The following FAM135B variants were observed in gnomAD, a reference collection of about 807,000 sequenced individuals.
The protein encoded by FAM135B is protein FAM135B.
FAM135B carries 43 observed loss-of-function variants against 127.7 expected under a neutral mutation model. That is an observed-to-expected ratio of 0.34 (90% confidence interval 0.26 to 0.43). The LOEUF is 0.43. FAM135B is among the 20% of genes least tolerant of loss of function. The pLI, the probability that FAM135B is intolerant of heterozygous loss-of-function variation, is 1.00. For synonymous variants in FAM135B, 670 were observed against 665.1 expected, an observed-to-expected ratio of 1.01 and a Z score of -0.11; for missense variants, 1,558 against 1,725.6, an observed-to-expected ratio of 0.90 and a Z score of 1.72.
chr8:138,135,656 C>T (rs1189401804), intron 19 of FAM135B, among the ~76,000 whole-genome samples: 4 of 152,000 alleles, frequency 2.6e-5, no homozygotes, highest in Non-Finnish European at 5.9e-5. Context: ...ACATTTTCCT[C>T]CAATAATACC....
At chr8:138,267,207 C>G (rs1169667032) in intron 3 of FAM135B, among the ~76,000 whole-genome samples, 1 of 152,146 alleles carries the variant, frequency 6.6e-6, no homozygotes, top group Non-Finnish European at 1.5e-5. Context: ...GTCTGTTCCC[C>G]TCACCTTTCC....
chr8:138,445,661 A>T (rs1248002136), intron 1 of FAM135B, among the ~76,000 whole-genome samples: 2 of 152,212 alleles, frequency 1.3e-5, no homozygotes, highest in Admixed American at 6.5e-5. Context: ...TCTCAAAATA[A>T]TAAGAGCTAT....
chr8:138,484,306 G>A lies in FAM135B; in HGVS notation c.-20+12365C>T, dbSNP rs185069995. On this transcript the variant is annotated intron_variant, in intron 1 of 19. Coordinates refer to ENST00000395297, the MANE Select transcript of FAM135B (RefSeq NM_015912.4). ...AAAGGCAAGCAATCTTGAGTAAATA[G>A]GGTATTTTGAGGTTTTATTTGGGTT... Among the ~76,000 whole-genome samples the A allele has an allele frequency of 9.2e-5, 14 of 152,258 alleles. No homozygotes were observed. In the East Asian group the frequency reaches 2.1e-3, roughly 23 times the overall value.
intron 1 of FAM135B, among the ~76,000 whole-genome samples, chr8:138,494,753 A>G (rs1815325847): frequency 6.6e-6 from 1 of 152,142 alleles, no homozygotes; most frequent in Admixed American, 6.5e-5. Context: ...GTTGGATGAA[A>G]GTAATCCTGC....
rs772452449 is a variant in FAM135B at position 138,151,229 on chromosome 8, G to A, written c.3246C>T (p.Ser1082=). The stretch of plus-strand genomic sequence containing the variant: ...TCTCACTGACTTCCTCATCCAACGT[G>A]CTGGAATGGGTAGAAACAACTCCAA... ...GSFGVVSTHS[S]TLDEEVSERM... Residue 1082 remains serine, a synonymous_variant, in exon 13 of 20, where the codon AGC becomes AGT. Coordinates refer to ENST00000395297, the MANE Select transcript of FAM135B (RefSeq NM_015912.4). 7 of 1,577,320 alleles carry A rather than the reference G, an allele frequency of 4.4e-6. No individual in the cohort carries two copies. The highest frequency in any genetic ancestry group is 6.0e-6 in the Non-Finnish European group (7 of 1,161,764).
intron 1 of FAM135B, among the ~76,000 whole-genome samples, chr8:138,384,585 T>C (rs1832068614): frequency 6.6e-6 from 1 of 151,904 alleles, no homozygotes; most frequent in African/African-American, 2.4e-5. Context: ...AGCAGAGACA[T>C]TGGGTTTTCT....
At chr8:138,245,947 G>A (rs1036432591) in intron 6 of FAM135B, among the ~76,000 whole-genome samples, 2 of 152,158 alleles carry the variant, frequency 1.3e-5, no homozygotes, top group African/African-American at 4.8e-5. Context: ...CCAAGCTGAG[G>A]TGTCTCAGAT....
chr8:138,381,232 AC>A (rs1831835032), intron 1 of FAM135B, among the ~76,000 whole-genome samples: 1 of 152,052 alleles, frequency 6.6e-6, no homozygotes, highest in Admixed American at 6.5e-5. Flanking sequence ...ACTACCACAA[AC>A]AAACCCTCTC....
chr8:138,273,569 C>T (rs753559096), intron 3 of FAM135B, among the ~76,000 whole-genome samples: 12 of 152,160 alleles, frequency 7.9e-5, no homozygotes, highest in Non-Finnish European at 1.8e-4. Context: ...GCAGTGGGCA[C>T]TGCCTGAATG....
At chr8:138,337,387 G>C (rs1828684279) in intron 2 of FAM135B, among the ~76,000 whole-genome samples, 1 of 152,108 alleles carries the variant, frequency 6.6e-6, no homozygotes, top group Admixed American at 6.6e-5. Context: ...ATCTCCTTAA[G>C]CTGATAGTCA....
chr8:138,478,488 TAATA>T (rs1814623272), intron 1 of FAM135B, among the ~76,000 whole-genome samples: 1 of 152,162 alleles, frequency 6.6e-6, no homozygotes, highest in Non-Finnish European at 1.5e-5. Context: ...TCGCAGCAAT[TAATA>T]AATAACTTCC....
intron 2 of FAM135B, among the ~76,000 whole-genome samples, chr8:138,327,581 C>T (rs1246829540): frequency 6.6e-6 from 1 of 152,200 alleles, no homozygotes; most frequent in Admixed American, 6.5e-5. Flanking sequence ...CCATTGCAAG[C>T]TTTGTGTCCA....
chr8:138,304,584 A>G (rs2130860971), intron 3 of FAM135B, among the ~76,000 whole-genome samples: 1 of 152,310 alleles, frequency 6.6e-6, no homozygotes, highest in Middle Eastern at 3.4e-3. Flanking sequence ...GGAAAGAAAG[A>G]AAAAGGAAGG....
intron 1 of FAM135B, among the ~76,000 whole-genome samples, chr8:138,449,428 G>C (rs563223048): frequency 3.9e-5 from 6 of 152,022 alleles, no homozygotes; most frequent in African/African-American, 1.4e-4. Context: ...ACGGAGCTCA[G>C]AGCTGTCAAA....
At chr8:138,192,559 C>T (rs1816227634) in intron 9 of FAM135B, among the ~76,000 whole-genome samples, 1 of 152,024 alleles carries the variant, frequency 6.6e-6, no homozygotes, top group African/African-American at 2.4e-5. Context: ...AGACCCTGCA[C>T]TTGACGGATC....
intron 10 of FAM135B, among the ~76,000 whole-genome samples, chr8:138,177,648 T>C (rs1443815887): frequency 6.6e-6 from 1 of 152,196 alleles, no homozygotes; most frequent in Non-Finnish European, 1.5e-5. Context: ...GTGAATGCAG[T>C]CTATGAATCT....
intron 2 of FAM135B, among the ~76,000 whole-genome samples, chr8:138,355,442 C>G (rs1488331703): frequency 6.8e-6 from 1 of 147,104 alleles, no homozygotes; most frequent in Non-Finnish European, 1.5e-5. Context: ...AGCTGGAAAC[C>G]ATTATTCTCA....
Position 138,151,461 on chromosome 8 carries a change from G to T in FAM135B, c.3014C>A (p.Ala1005Glu), listed in dbSNP as rs753339431. The T allele has an allele frequency of 6.2e-7, 1 of 1,614,118 alleles. No homozygotes were observed. The highest frequency in any genetic ancestry group is 1.7e-5 in the Admixed American group (1 of 60,006). The change falls in exon 13 of 20, where the codon GCA becomes GAA. Residue 1005 changes from alanine (A) to glutamate (E), a missense_variant. Around this residue, in one of 5 missense-constraint regions of FAM135B, gnomAD observed 923 missense variants for 865.3 expected, o/e 1.07. Transcript: ENST00000395297. ...ATGGGACCCCATGATGGAAGTGCCT[G>T]CCTTCAGCTCTTGGTTTTTCAAAAC... is the stretch of plus-strand genomic sequence containing the variant. ...SQVLKNQELKAGTSIMGSHLT... is the reference protein window; with the variant it reads ...SQVLKNQELKEGTSIMGSHLT...
At chr8:138,350,539 G>A (rs183991333) in intron 2 of FAM135B, among the ~76,000 whole-genome samples, 7 of 151,650 alleles carry the variant, frequency 4.6e-5, no homozygotes, top group Admixed American at 3.9e-4. Context: ...TGTGACACAC[G>A]TGGAGAAATA....
Sources: allele counts gnomAD v4.1 joint callset (sites outside exome capture counted in the v4.1 genomes callset), GRCh38; gene constraint gnomAD v4.1.1; regional missense constraint gnomAD v4.1.1; transcripts MANE v1.5; gene names NCBI Gene and HGNC (gene_info 2026-07-23, HGNC 2026-07-21).